The following MIB1 variants were observed in gnomAD, a reference collection of about 807,000 sequenced individuals.
MIB1 encodes MIB E3 ubiquitin protein ligase 1.
In MIB1, 278 loss-of-function variants were observed where a neutral mutation model predicts 124.5. That is an observed-to-expected ratio of 2.23 (90% CI 2.02 to 2.47). The LOEUF (loss-of-function observed/expected upper bound fraction) is 2.47, where lower values mean the gene tolerates loss of function less well. MIB1 is among the 30% of genes most tolerant of loss of function. The pLI, the probability that MIB1 is intolerant of heterozygous loss-of-function variation, is 0.00. For synonymous variants in MIB1, 446 were observed against 429.4 expected (o/e 1.04, Z -0.48); for missense variants, 957 against 1,254.4 (o/e 0.76, Z 3.58).
upstream of MIB1, among the ~76,000 whole-genome samples, chr18:21,737,653 A>T (rs1382584454): frequency 6.6e-6 from 1 of 152,188 alleles, no homozygotes; most frequent in African/African-American, 2.4e-5. Flanking sequence ...ACAAAGACAC[A>T]CATAGGCTCA....
chr18:21,711,975 T>C (rs1444743014), intron 1 of MIB1: 1 of 153,194 alleles, frequency 6.5e-6, no homozygotes, highest in African/African-American at 2.4e-5. Context: ...ATTACACGTG[T>C]GAGCCACTGC....
At position 21,864,846 on chromosome 18, in the gene MIB1, G is replaced by GT. The variant is rs1006510663; in HGVS notation, c.*186dup. Reference sequence around the variant, plus strand: ...CCTACAAAATGGTGTTGGAAATTGTGTTTTTTGTTTTTGTTTTAAATTTGA... The same window carrying GT: ...CCTACAAAATGGTGTTGGAAATTGTGTTTTTTTGTTTTTGTTTTAAATTTGA... On this transcript the variant is annotated 3_prime_UTR_variant, in exon 21 of 21. Coordinates refer to ENST00000261537, the MANE Select transcript of MIB1 (RefSeq NM_020774.4). 1.2e-5 allele frequency: 5 copies of GT among 421,022 alleles called. No individual in the cohort carries two copies. In the East Asian group the frequency reaches 1.4e-4, roughly 12 times the overall value. The allele number at this position is 421,022 out of a possible 1,614,324, so 26.1% of individuals were successfully genotyped here.
rs532809708 is a variant in MIB1, at chr18:21,729,695, G to T, written n.167+24572G>T. ...AGTTGAGACAGGATTTTGCCATGTT[G>T]GCCAGGCTGGTCTCGAACTCCTGGC... is the stretch of plus-strand genomic sequence containing the variant. On this transcript the variant is annotated intron_variant and non_coding_transcript_variant, in intron 1 of 20. Transcript: ENST00000578646. Among the ~76,000 whole-genome samples, 17 of 152,124 alleles carry T rather than the reference G, an allele frequency of 1.1e-4. No individual in the cohort carries two copies. In the South Asian group the frequency reaches 3.5e-3, roughly 32 times the overall value.
At chr18:21,846,029 C>G (rs957509941) in intron 15 of MIB1, among the ~76,000 whole-genome samples, 1 of 152,148 alleles carries the variant, frequency 6.6e-6, no homozygotes, top group Admixed American at 6.6e-5. Flanking sequence ...TTCTGTTGGT[C>G]TATGTTTTTA....
chr18:21,784,342 C>T (rs2041408611), intron 6 of MIB1, among the ~76,000 whole-genome samples: 1 of 152,138 alleles, frequency 6.6e-6, no homozygotes, highest in Non-Finnish European at 1.5e-5. Flanking sequence ...CCACCGCGCC[C>T]AGCCCTGTGT....
rs894957203 is a variant in MIB1 at position 21,865,434 on chromosome 18, T to C, written c.*768T>C. The C allele has an allele frequency of 6.6e-6, 1 of 152,190 alleles. No homozygotes were observed. Among genetic ancestry groups the C allele is most frequent in the African/African-American group, 2.4e-5 (1 of 41,454 alleles). The allele number at this position is 152,190 out of a possible 1,614,324, so 9.4% of individuals were successfully genotyped here. A position where few individuals can be genotyped will look rare whatever the true frequency, so the allele number is the denominator to read the frequency against. The stretch of plus-strand genomic sequence containing the variant: ...TATCTATTAACTGGCCACTAACAGT[T>C]GCCTTTCTTACATTAATTTATACAC... On this transcript the variant is annotated 3_prime_UTR_variant, in exon 21 of 21. Coordinates refer to ENST00000261537, the MANE Select transcript of MIB1 (RefSeq NM_020774.4).
intron 6 of MIB1, among the ~76,000 whole-genome samples, chr18:21,789,517 T>A (rs2041477307): frequency 6.6e-6 from 1 of 152,176 alleles, no homozygotes; most frequent in Admixed American, 6.5e-5. Context: ...CCCAAACTAA[T>A]CTTCCGATTA....
At chr18:21,854,055 T>C (rs933277047) in intron 18 of MIB1, among the ~76,000 whole-genome samples, 5 of 146,342 alleles carry the variant, frequency 3.4e-5, no homozygotes, top group African/African-American at 2.5e-5. Context: ...AGGCAGCTGG[T>C]CAACTAAAGA....
At chr18:21,848,044 G>A (rs1177512787) in intron 16 of MIB1, among the ~76,000 whole-genome samples, 2 of 152,156 alleles carry the variant, frequency 1.3e-5, no homozygotes, top group Non-Finnish European at 2.9e-5. Flanking sequence ...TTTATGTGTA[G>A]TGATGAAATG....
intron 20 of MIB1, among the ~76,000 whole-genome samples, chr18:21,861,114 A>G (rs933125566): frequency 1.3e-5 from 2 of 151,898 alleles, no homozygotes; most frequent in African/African-American, 4.8e-5. Context: ...AGAGATGAAA[A>G]CTCTGATTAG....
chr18:21,802,609 G>T (rs1266966129), intron 9 of MIB1, among the ~76,000 whole-genome samples: 1 of 152,010 alleles, frequency 6.6e-6, no homozygotes, highest in Non-Finnish European at 1.5e-5. Context: ...ACATTTTCTT[G>T]TGCCTGCTTA....
At chr18:21,822,911 G>T (rs752350642) in intron 12 of MIB1, among the ~76,000 whole-genome samples, 1 of 152,042 alleles carries the variant, frequency 6.6e-6, no homozygotes, top group Non-Finnish European at 1.5e-5. Flanking sequence ...ATCAACCTGG[G>T]CAATGTAGCA....
chr18:21,788,593 C>G (rs551003735), intron 6 of MIB1, among the ~76,000 whole-genome samples: 1 of 152,266 alleles, frequency 6.6e-6, no homozygotes, highest in Non-Finnish European at 1.5e-5. Flanking sequence ...TTCTGTTCAA[C>G]ATTATACCAG....
Position 21,843,248 on chromosome 18 carries a change from A to AT in MIB1, c.2049+33dup. On this transcript the variant is annotated intron_variant, in intron 14 of 20. Coordinates refer to ENST00000261537, the MANE Select transcript of MIB1 (RefSeq NM_020774.4). ...GTATTGACATACATTTTAGCTTATA[A>AT]TTACATTTTAACCATACAGATTTTT... is the stretch of plus-strand genomic sequence containing the variant. The AT allele has an allele frequency of 2.0e-6, 3 of 1,468,916 alleles. No individual in the cohort carries two copies. In the African/African-American group the frequency reaches 4.3e-5, roughly 21 times the overall value. The allele number at this position is 1,468,916 out of a possible 1,614,324, so 91.0% of individuals were successfully genotyped here. A position where few individuals can be genotyped will look rare whatever the true frequency, so the allele number is the denominator to read the frequency against.
intron 1 of MIB1, among the ~76,000 whole-genome samples, chr18:21,742,924 T>G (rs1363861764): frequency 6.6e-6 from 1 of 152,222 alleles, no homozygotes; most frequent in Non-Finnish European, 1.5e-5. Context: ...GTTCCTTAGC[T>G]GGCTTTTTAA....
chr18:21,844,333 C>T (rs1392016309), intron 15 of MIB1, 80 bp downstream of exon 15: 1 of 1,387,670 alleles, frequency 7.2e-7, no homozygotes, highest in Non-Finnish European at 1.0e-6. Context: ...GTAATCTAAC[C>T]TGTATTGGAT....
chr18:21,714,351 C>T (rs1309414130), intron 1 of MIB1, among the ~76,000 whole-genome samples: 1 of 152,148 alleles, frequency 6.6e-6, no homozygotes, highest in African/African-American at 2.4e-5. Flanking sequence ...ACGTGAGTTT[C>T]ATGCTGGGAG....
chr18:21,833,322 A>C (rs2146494355), intron 12 of MIB1, among the ~76,000 whole-genome samples: 1 of 152,316 alleles, frequency 6.6e-6, no homozygotes, highest in South Asian at 2.1e-4. Context: ...ATTCAACAAA[A>C]CTTTGAGTTC....
intron 2 of MIB1, 124 bp downstream of exon 2, chr18:21,766,067 C>A (rs1344909568): frequency 2.3e-6 from 2 of 858,150 alleles, no homozygotes; most frequent in East Asian, 2.5e-5. Context: ...CAGGAGGTAC[C>A]CAATAGTAGG....
Sources: gnomAD v4.1 joint callset for allele counts (sites outside exome capture counted in the v4.1 genomes callset) on GRCh38, gnomAD v4.1.1 for gene constraint, MANE v1.5 for transcripts, NCBI Gene and HGNC (gene_info 2026-07-23, HGNC 2026-07-21) for gene names.